Variants in UST observed in about 807,000 individuals in gnomAD.
UST encodes chondroitin sulfate 2-O-sulfotransferase.
UST carries 21 observed loss-of-function variants against 45.6 expected under a neutral mutation model. The observed-to-expected ratio is 0.46, with a 90% CI of 0.33 to 0.66. UST has a LOEUF of 0.66. Among genes scored for constraint, UST ranks in the 30% least tolerant of loss-of-function variants. The pLI is 0.02. For synonymous variants in UST, 215 were observed against 200.6 expected (o/e 1.07, Z -0.61); for missense variants, 463 against 512.4 (o/e 0.90, Z 0.93).
At chr6:148,960,609 G>A (rs756144107) in intron 4 of UST, among the ~76,000 whole-genome samples, 39 of 152,214 alleles carry the variant, frequency 2.6e-4, no homozygotes, top group Admixed American at 4.6e-4. Context: ...ATTTGTGAAC[G>A]TGAAAACGTT....
At chr6:148,890,826 A>G (rs892395931) in intron 2 of UST, among the ~76,000 whole-genome samples, 3 of 152,156 alleles carry the variant, frequency 2.0e-5, no homozygotes, top group Admixed American at 2.0e-4. Context: ...TTTTACCACT[A>G]CTTTGTATGT....
At chr6:149,054,203 G>C (rs1190947706) in intron 7 of UST, among the ~76,000 whole-genome samples, 1 of 152,206 alleles carries the variant, frequency 6.6e-6, no homozygotes, top group Admixed American at 6.5e-5. Context: ...TCTACCCAAA[G>C]AAGAGCCAAA....
At chr6:149,049,888 GT>G (rs1354649964) in intron 7 of UST, among the ~76,000 whole-genome samples, 1 of 148,100 alleles carries the variant, frequency 6.8e-6, no homozygotes, top group Non-Finnish European at 1.5e-5. Context: ...CTAGCCAGTA[GT>G]TTTTTAAAAA....
chr6:148,773,589 C>T (rs1776474797), intron 1 of UST, among the ~76,000 whole-genome samples: 1 of 152,098 alleles, frequency 6.6e-6, no homozygotes, highest in Non-Finnish European at 1.5e-5. Flanking sequence ...TCTATGCACA[C>T]ACAAAACTAC....
At chr6:148,999,401 ATCT>A (rs1170457401) in intron 5 of UST, among the ~76,000 whole-genome samples, 1 of 152,248 alleles carries the variant, frequency 6.6e-6, no homozygotes, top group African/African-American at 2.4e-5. Flanking sequence ...AGAGAAGCAA[ATCT>A]TCTAGGTTAG....
chr6:148,949,785 C>T (rs1441579268), intron 3 of UST, among the ~76,000 whole-genome samples: 2 of 152,144 alleles, frequency 1.3e-5, no homozygotes, highest in African/African-American at 4.8e-5. Flanking sequence ...TGCCCCCAAC[C>T]CTCACAGAAT....
chr6:149,007,181 G>A (rs1386329829), intron 5 of UST, among the ~76,000 whole-genome samples: 1 of 140,030 alleles, frequency 7.1e-6, no homozygotes, highest in Non-Finnish European at 1.5e-5. Flanking sequence ...GTGCAGTGGT[G>A]TGGTCTTGGC....
chr6:148,911,095 T>C (rs1168014585), intron 2 of UST, among the ~76,000 whole-genome samples: 5 of 152,176 alleles, frequency 3.3e-5, no homozygotes, highest in African/African-American at 1.2e-4. Context: ...CCAGAGGCCC[T>C]GCATCCCCCC....
chr6:148,843,403 A>C (rs1482875671), intron 1 of UST, among the ~76,000 whole-genome samples: 1 of 152,244 alleles, frequency 6.6e-6, no homozygotes, highest in East Asian at 1.9e-4. Context: ...CAGTGATCCA[A>C]TCAATATGAT....
chr6:148,754,885 G>A (rs1294500557), intron 1 of UST, among the ~76,000 whole-genome samples: 1 of 152,156 alleles, frequency 6.6e-6, no homozygotes, highest in Non-Finnish European at 1.5e-5. Flanking sequence ...TGAAAACAAG[G>A]ATCTGTTCTA....
chr6:149,053,579 T>C (rs1324091808), intron 7 of UST, among the ~76,000 whole-genome samples: 1 of 152,238 alleles, frequency 6.6e-6, no homozygotes, highest in Non-Finnish European at 1.5e-5. Context: ...TAACCTAATG[T>C]CAACTGACTT....
chr6:148,820,653 A>G (rs1359808621), intron 1 of UST, among the ~76,000 whole-genome samples: 1 of 152,028 alleles, frequency 6.6e-6, no homozygotes, highest in Admixed American at 6.5e-5. Flanking sequence ...GATCAAGACC[A>G]TCCTGGCTAA....
At chr6:148,952,474 T>A (rs1780384750) in intron 3 of UST, among the ~76,000 whole-genome samples, 1 of 152,246 alleles carries the variant, frequency 6.6e-6, no homozygotes. Flanking sequence ...TCAATCGTTG[T>A]GAGCTTGAAT....
chr6:148,765,261 G>A lies in UST; in HGVS notation c.247+17584G>A, dbSNP rs147052738. ...GTATATTTTTGCCAACTTTGTTTAC[G>A]ATCAGTTGGTTGTAGGTATGTGGCT... On this transcript the variant is annotated intron_variant, in intron 1 of 7. Transcript: ENST00000367463. Among the ~76,000 whole-genome samples, 1,308 of 152,156 alleles carry A rather than the reference G, an allele frequency of 8.6e-3. 10 individuals are homozygous for A. The highest frequency in any genetic ancestry group is 0.014 in the Non-Finnish European group (921 of 67,986).
intron 1 of UST, among the ~76,000 whole-genome samples, chr6:148,811,908 G>A (rs975970561): frequency 6.6e-6 from 1 of 152,206 alleles, no homozygotes; most frequent in Non-Finnish European, 1.5e-5. Flanking sequence ...CAGAGAGGTT[G>A]CAGGCATGTT....
Position 149,022,670 on chromosome 6 carries a change from T to A in UST, c.937+1189T>A, listed in dbSNP as rs143298715. 2.4e-3 allele frequency among the ~76,000 whole-genome samples: 368 copies of A among 152,296 alleles called. 1 individual carries two copies. Among genetic ancestry groups the A allele is most frequent in the African/African-American group, 8.4e-3 (349 of 41,570 alleles). ...CCCAAATGCAGTCTGCTGCCTCACA[T>A]TCCACAGGGTTCCCGAACCCCACCT... On this transcript the variant is annotated intron_variant, in intron 7 of 7. Transcript: ENST00000367463.
intron 7 of UST, among the ~76,000 whole-genome samples, chr6:149,056,126 T>C (rs1490887574): frequency 9.1e-5 from 10 of 109,692 alleles, no homozygotes; most frequent in East Asian, 4.5e-4. Flanking sequence ...TCTTTTTTTT[T>C]TTTTTTTTTT....
chr6:148,922,637 CT>C (rs112318296), intron 2 of UST, among the ~76,000 whole-genome samples: 7 of 147,350 alleles, frequency 4.8e-5, no homozygotes, highest in Non-Finnish European at 4.5e-5. Context: ...TACCTAGGTA[CT>C]TTTTTTTTGT....
At chr6:148,892,774 C>G (rs1276369282) in intron 2 of UST, among the ~76,000 whole-genome samples, 1 of 151,984 alleles carries the variant, frequency 6.6e-6, no homozygotes, top group Non-Finnish European at 1.5e-5. Context: ...CTTCTTAAAC[C>G]TTATTTGGGA....
Sources: gnomAD v4.1 joint callset for allele counts (sites outside exome capture counted in the v4.1 genomes callset) on GRCh38, gnomAD v4.1.1 for gene constraint, MANE v1.5 for transcripts, NCBI Gene and HGNC (gene_info 2026-07-23, HGNC 2026-07-21) for gene names.